Variants in LCP2 observed in about 807,000 individuals in gnomAD.
LCP2 encodes the protein lymphocyte cytosolic protein 2, also known as 76 kDa tyrosine phosphoprotein.
Under a neutral mutation model 74.5 loss-of-function variants are expected in LCP2, and 29 were observed. The ratio of observed to expected loss-of-function variants is 0.39; its 90% confidence interval spans 0.29 to 0.53. LCP2 has a LOEUF of 0.53. LCP2 is among the 20% of genes least tolerant of loss of function. The probability of loss-of-function intolerance (pLI) is 0.72; values close to 1 mark genes in which losing one functional copy is unlikely to be tolerated. For synonymous variants in LCP2, 228 were observed against 229.5 expected, an observed-to-expected ratio of 0.99 and a Z score of 0.06; for missense variants, 604 against 634.6, an observed-to-expected ratio of 0.95 and a Z score of 0.52.
At position 170,248,148 on chromosome 5, in the gene LCP2, A is replaced by T. The variant is rs1312441469; in HGVS notation, c.*549T>A. 1 of 152,492 alleles carries T rather than the reference A, an allele frequency of 6.6e-6. No individual in the cohort carries two copies. Among genetic ancestry groups the T allele is most frequent in the Admixed American group, 6.5e-5 (1 of 15,286 alleles). The allele number at this position is 152,492 out of a possible 1,614,324, so 9.4% of individuals were successfully genotyped here. On this transcript the variant is annotated 3_prime_UTR_variant, in exon 21 of 21. Coordinates refer to ENST00000046794, the MANE Select transcript of LCP2 (RefSeq NM_005565.5). ...CATGCATTTGTCTTTTCATAAAAAAATTACGTAAAAATGCCCCCAGGAAAA... is the reference window on the plus strand; with the variant it reads ...CATGCATTTGTCTTTTCATAAAAAATTTACGTAAAAATGCCCCCAGGAAAA...
At chr5:170,289,889 G>A (rs73321974) in intron 2 of LCP2, among the ~76,000 whole-genome samples, 17,297 of 151,592 alleles carry the variant, frequency 0.11, 1,062 homozygotes, top group Middle Eastern at 0.13. Context: ...GAGGGGTGGC[G>A]GCTGAGCACT....
rs545466806 is a variant in LCP2, at chr5:170,281,380, C to A, written c.189-5520G>T. On this transcript the variant is annotated intron_variant, in intron 3 of 20. Transcript: ENST00000046794. ...CTGCAAGTTCTGCCTCCCGGGTTCACGCCATTCTCCTGCCTCAGCCTCCCG... is the reference window on the plus strand; with the variant it reads ...CTGCAAGTTCTGCCTCCCGGGTTCAAGCCATTCTCCTGCCTCAGCCTCCCG... 2.6e-4 allele frequency among the ~76,000 whole-genome samples: 39 copies of A among 152,120 alleles called. No individual in the cohort carries two copies. The South Asian group carries it at 8.1e-3, about 32-fold the overall frequency.
chr5:170,282,409 T>C (rs1258077551), intron 3 of LCP2, among the ~76,000 whole-genome samples: 2 of 152,120 alleles, frequency 1.3e-5, no homozygotes, highest in African/African-American at 4.8e-5. Context: ...CCTTTAATAT[T>C]CCCCACTCCT....
At chr5:170,250,587 C>T (rs1581055107) in intron 20 of LCP2, 143 bp downstream of exon 20, 5 of 656,340 alleles carry the variant, frequency 7.6e-6, no homozygotes, top group East Asian at 2.7e-5. Context: ...CTTTATTTCT[C>T]TTCCAATAAA....
At chr5:170,262,153 C>T (rs894905661) in intron 13 of LCP2, among the ~76,000 whole-genome samples, 1 of 152,174 alleles carries the variant, frequency 6.6e-6, no homozygotes, top group South Asian at 2.1e-4. Flanking sequence ...CTGAAAACTA[C>T]TTCACAGCAA....
intron 18 of LCP2, 44 bp downstream of exon 18, chr5:170,253,075 C>A: frequency 8.0e-7 from 1 of 1,247,582 alleles, no homozygotes; most frequent in East Asian, 2.5e-5. Flanking sequence ...ATTCTTTTAC[C>A]AGGGAAAAGG....
chr5:170,272,567 C>T (rs1283682199), intron 6 of LCP2, among the ~76,000 whole-genome samples: 1 of 128,200 alleles, frequency 7.8e-6, no homozygotes, highest in African/African-American at 2.9e-5. Flanking sequence ...TAAATGAGAT[C>T]GGTTATAACT....
At chr5:170,269,994 G>GT (rs762761988) in intron 7 of LCP2, among the ~76,000 whole-genome samples, 2 of 152,178 alleles carry the variant, frequency 1.3e-5, no homozygotes, top group Non-Finnish European at 2.9e-5. Flanking sequence ...AATGGTATTC[G>GT]TTTTTTGTGG....
intron 2 of LCP2, among the ~76,000 whole-genome samples, chr5:170,288,452 G>A (rs1205647036): frequency 6.6e-6 from 1 of 152,208 alleles, no homozygotes; most frequent in Non-Finnish European, 1.5e-5. Context: ...GGAGGAGTCT[G>A]TGCCTCTTTT....
Position 170,297,637 on chromosome 5 carries a change from C to T in LCP2, c.-26G>A, listed in dbSNP as rs1346786766. On this transcript the variant is annotated 5_prime_UTR_variant, in exon 1 of 21. The change creates a new upstream start codon in the 5' untranslated region. Transcript: ENST00000046794. ...GGCTGCTCTCCCGGGAAGAAGCTCA[C>T]AAGCTGAGCATGGGCGCTTCACCCA... is the stretch of plus-strand genomic sequence containing the variant. The T allele has an allele frequency of 6.3e-7, 1 of 1,592,144 alleles. No homozygotes were observed. Among genetic ancestry groups the T allele is most frequent in the Non-Finnish European group, 8.6e-7 (1 of 1,167,904 alleles).
chr5:170,297,556 C>T lies in LCP2; in HGVS notation c.56G>A (p.Ser19Asn). Residue 19 changes from serine to asparagine, a missense_variant, in exon 1 of 21, where the codon AGC becomes AAC. By Grantham distance (46) the Ser-to-Asn change is conservative. Coordinates refer to ENST00000046794, the MANE Select transcript of LCP2 (RefSeq NM_005565.5). The stretch of plus-strand genomic sequence containing the variant: ...TACCTTCTTGAAATAGTCAGCAAGG[C>T]TGTCGGGGTCCCAGCCCAGGACCTC... ...RSEVLGWDPD[S>N]LADYFKKLNY... is the part of the protein sequence containing the mutation. The T allele has an allele frequency of 6.2e-7, 1 of 1,613,188 alleles. No homozygotes were observed. The highest frequency in any genetic ancestry group is 8.5e-7 in the Non-Finnish European group (1 of 1,179,538).
chr5:170,252,093 A>C, intron 19 of LCP2: 1 of 205,878 alleles, frequency 4.9e-6, no homozygotes, highest in Non-Finnish European at 1.0e-5. Flanking sequence ...TAAGAGGAAG[A>C]TAGAACTGGT....
chr5:170,293,738 C>G (rs1448194813), intron 1 of LCP2, among the ~76,000 whole-genome samples: 1 of 152,196 alleles, frequency 6.6e-6, no homozygotes, highest in Non-Finnish European at 1.5e-5. Context: ...TCTTTCCATG[C>G]TTTCTTCCTA....
At position 170,261,095 on chromosome 5, in the gene LCP2, T is replaced by G. The variant is rs780080801; in HGVS notation, c.957+12A>C. ...TGTATCAAGCACTTACAAACTGACATTTTGTACTTACATTCTCTCTTCTGT... is the reference window on the plus strand; with the variant it reads ...TGTATCAAGCACTTACAAACTGACAGTTTGTACTTACATTCTCTCTTCTGT... On this transcript the variant is annotated intron_variant, in intron 14 of 20. Coordinates refer to ENST00000046794, the MANE Select transcript of LCP2 (RefSeq NM_005565.5). 1.9e-6 allele frequency: 3 copies of G among 1,587,532 alleles called. No homozygotes were observed. Among genetic ancestry groups the G allele is most frequent in the African/African-American group, 2.7e-5 (2 of 74,384 alleles).
rs115867335 is a variant in LCP2, at chr5:170,266,753, G to T, written c.772+55C>A. 166 of 1,443,522 alleles carry T rather than the reference G, an allele frequency of 1.1e-4. No individual in the cohort carries two copies. In the African/African-American group the frequency reaches 2.2e-3, roughly 19 times the overall value. 89.4% of individuals were successfully genotyped at this position (1,443,522 alleles called of 1,614,324 possible). A position where few individuals can be genotyped will look rare whatever the true frequency, so the allele number is the denominator to read the frequency against. Reference sequence around the variant, plus strand: ...GGTACATGTGAAACGTATGCAGGAAGCACTTTATAACAGCTTATCATTATT... The same window carrying T: ...GGTACATGTGAAACGTATGCAGGAATCACTTTATAACAGCTTATCATTATT... On this transcript the variant is annotated intron_variant, in intron 10 of 20. Transcript: ENST00000046794.
At chr5:170,281,134 G>T (rs1408995521) in intron 3 of LCP2, among the ~76,000 whole-genome samples, 1 of 152,204 alleles carries the variant, frequency 6.6e-6, no homozygotes, top group Non-Finnish European at 1.5e-5. Flanking sequence ...AAGAGAAGAA[G>T]GGACAGCCAA....
intron 3 of LCP2, among the ~76,000 whole-genome samples, chr5:170,281,476 T>C (rs1762102436): frequency 6.6e-6 from 1 of 152,152 alleles, no homozygotes; most frequent in South Asian, 2.1e-4. Context: ...GAAACAGCGT[T>C]TCACTGTGTT....
At chr5:170,260,429 T>A (rs924939182) in intron 14 of LCP2, among the ~76,000 whole-genome samples, 3 of 152,222 alleles carry the variant, frequency 2.0e-5, no homozygotes, top group African/African-American at 7.2e-5. Flanking sequence ...AGATCTGGGT[T>A]CAGATCCTGG....
At chr5:170,272,421 C>A (rs1255114107) in intron 6 of LCP2, among the ~76,000 whole-genome samples, 2 of 152,006 alleles carry the variant, frequency 1.3e-5, no homozygotes, top group Non-Finnish European at 2.9e-5. Flanking sequence ...ACTTGATTTG[C>A]AGCATAAGCA....
Sources: allele counts gnomAD v4.1 joint callset (sites outside exome capture counted in the v4.1 genomes callset), GRCh38; gene constraint gnomAD v4.1.1; transcripts MANE v1.5; gene names NCBI Gene and HGNC (gene_info 2026-07-23, HGNC 2026-07-21).